The following RALGAPB variants were observed in gnomAD, a reference collection of about 807,000 sequenced individuals.
The protein encoded by RALGAPB is Ral GTPase activating protein non-catalytic subunit beta, also known as ral GTPase-activating protein subunit beta.
Under a neutral mutation model 161.1 loss-of-function variants are expected in RALGAPB, and 25 were observed. The observed-to-expected ratio is 0.16, with a 90% confidence interval of 0.11 to 0.22. The LOEUF is 0.22. Ranked by LOEUF, RALGAPB falls within the 10% of genes least tolerant of loss-of-function variation. RALGAPB has a pLI of 1.00. For missense variants in RALGAPB, 1,391 were observed against 1,815.2 expected, an observed-to-expected ratio of 0.77 and a Z score of 4.25; for synonymous variants, 629 against 626.1, an observed-to-expected ratio of 1.00 and a Z score of -0.07.
At chr20:38,497,252 C>T (rs1260812136) in intron 3 of RALGAPB, 101 bp from the exon 4 acceptor site, 4 of 1,062,336 alleles carry the variant, frequency 3.8e-6, no homozygotes, top group South Asian at 1.5e-5. Context: ...TATTAGGGAG[C>T]TTCATTGGAC....
At position 38,546,273 on chromosome 20, in the gene RALGAPB, A is replaced by C. The variant is rs1199360294; in HGVS notation, c.2745A>C (p.Ser915=). 1.9e-6 allele frequency: 3 copies of C among 1,614,010 alleles called. No homozygotes were observed. The highest frequency in any genetic ancestry group is 2.5e-6 in the Non-Finnish European group (3 of 1,179,964). Residue 915 remains serine (S), a synonymous_variant, in exon 19 of 30, where the codon TCA becomes TCC. Coordinates refer to ENST00000262879, the MANE Select transcript of RALGAPB (RefSeq NM_020336.4). ...CIMQLLGAFP[S]PSGPASPCSL... ...TGCAGTTGCTCGGCGCATTTCCTTC[A>C]CCTAGTGGTCCTGCCTCTCCTTGTA...
chr20:38,560,667 G>A (rs889955462), intron 23 of RALGAPB, among the ~76,000 whole-genome samples: 2 of 152,162 alleles, frequency 1.3e-5, no homozygotes, highest in Non-Finnish European at 2.9e-5. Context: ...TCTCCTGCCT[G>A]TACAAGAAGA....
At chr20:38,562,071 C>T (rs9941745) in intron 23 of RALGAPB, among the ~76,000 whole-genome samples, 4,162 of 152,258 alleles carry the variant, frequency 0.027, 189 homozygotes, top group African/African-American at 0.096. Flanking sequence ...TTATTAATTA[C>T]ACCTAATGTT....
intron 1 of RALGAPB, among the ~76,000 whole-genome samples, chr20:38,480,056 A>G (rs1224414103): frequency 6.6e-6 from 1 of 151,494 alleles, no homozygotes; most frequent in Middle Eastern, 3.2e-3. Context: ...ATTTTGGCTC[A>G]CTGCATCCTC....
intron 3 of RALGAPB, among the ~76,000 whole-genome samples, chr20:38,494,765 T>C (rs1330922413): frequency 6.6e-6 from 1 of 152,236 alleles, no homozygotes; most frequent in Non-Finnish European, 1.5e-5. Flanking sequence ...CTACTAGGCT[T>C]TTTCTTCGTG....
intron 23 of RALGAPB, among the ~76,000 whole-genome samples, chr20:38,560,848 C>T (rs1382987131): frequency 1.3e-5 from 2 of 152,172 alleles, no homozygotes; most frequent in Admixed American, 6.5e-5. Flanking sequence ...CAGCAAGTGG[C>T]ATGAAAGTTG....
chr20:38,500,007 A>G (rs1349051842), intron 5 of RALGAPB: 1 of 153,656 alleles, frequency 6.5e-6, no homozygotes, highest in Admixed American at 6.5e-5. Flanking sequence ...ATTTATATAT[A>G]ATTTTACAGG....
At position 38,516,236 on chromosome 20, in the gene RALGAPB, C is replaced by T. The variant is rs1332958276; in HGVS notation, c.917C>T (p.Pro306Leu). 1 of 1,612,072 alleles carries T rather than the reference C, an allele frequency of 6.2e-7. No individual in the cohort carries two copies. ...LSNPAIISST[P>L]KFQEQFLNVS... is the part of the protein sequence containing the mutation. ...AACCCAGCTATTATAAGCTCTACTC[C>T]CAAATTTCAGGAACAGTTCTTGAAT... The change falls in exon 7 of 30, where the codon CCC becomes CTC. Residue 306 changes from proline to leucine, a missense_variant. Coordinates refer to ENST00000262879, the MANE Select transcript of RALGAPB (RefSeq NM_020336.4).
In RALGAPB at chr20:38,562,741, T is replaced by C. The variant is rs762905633; in HGVS notation, c.3697+44T>C. The C allele has an allele frequency of 3.9e-6, 6 of 1,545,516 alleles. No homozygotes were observed. The Admixed American group carries it at 1.3e-4, about 33-fold the overall frequency. On this transcript the variant is annotated intron_variant, in intron 24 of 29. Transcript: ENST00000262879. ...CAAATGTCAGTTGTTTCTTGTTTGT[T>C]AGTCTTGTTTTTTTTTTTCCCCCTT...
At chr20:38,534,536 A>AT (rs1425837428) in intron 15 of RALGAPB, 3 of 152,306 alleles carry the variant, frequency 2.0e-5, no homozygotes, top group East Asian at 1.9e-4. Context: ...TGGTTATTTA[A>AT]TTTTTTTAGA....
intron 2 of RALGAPB, 51 bp from the exon 3 acceptor site, chr20:38,492,879 A>T: frequency 7.0e-7 from 1 of 1,438,412 alleles, no homozygotes; most frequent in Non-Finnish European, 9.7e-7. Context: ...AAATCAGTCT[A>T]CTGAGATAGG....
intron 1 of RALGAPB, among the ~76,000 whole-genome samples, chr20:38,475,429 A>G (rs805553): frequency 0.068 from 10,391 of 152,250 alleles, 659 homozygotes; most frequent in African/African-American, 0.17. Context: ...AGGCAGACCA[A>G]TAATTCAGAT....
chr20:38,518,846 C>G (rs1000964015), intron 9 of RALGAPB, among the ~76,000 whole-genome samples: 2 of 152,006 alleles, frequency 1.3e-5, no homozygotes, highest in African/African-American at 4.8e-5. Flanking sequence ...GGAAATAGAT[C>G]AAGACAAAAA....
At chr20:38,561,302 C>A (rs1170808041) in intron 23 of RALGAPB, among the ~76,000 whole-genome samples, 2 of 152,068 alleles carry the variant, frequency 1.3e-5, no homozygotes, top group South Asian at 4.2e-4. Context: ...CCAGCCTGGG[C>A]GACAGAGCAA....
In RALGAPB at chr20:38,536,599, T is replaced by C. The variant is rs2086814734; in HGVS notation, c.2379+1392T>C. Among the ~76,000 whole-genome samples the C allele has an allele frequency of 2.6e-5, 4 of 152,230 alleles. 1 individual carries two copies. In the South Asian group the frequency reaches 8.3e-4, roughly 31 times the overall value. ...TTTACATTCCCAGTGTATGAGAGTT[T>C]CACTTTCTTTGCATTTTCTCTAACA... On this transcript the variant is annotated intron_variant, in intron 16 of 29. Transcript: ENST00000262879.
intron 16 of RALGAPB, 135 bp downstream of exon 16, chr20:38,535,342 A>G (rs1443577675): frequency 1.8e-6 from 2 of 1,132,978 alleles, no homozygotes; most frequent in Admixed American, 2.6e-5. Flanking sequence ...TCCAAAGTGT[A>G]CAAAATTTAG....
At chr20:38,523,873 A>G (rs1437494862) in intron 10 of RALGAPB, among the ~76,000 whole-genome samples, 2 of 152,312 alleles carry the variant, frequency 1.3e-5, no homozygotes, top group East Asian at 3.9e-4. Context: ...GAGTAGTTAG[A>G]GGGCTGAATG....
intron 21 of RALGAPB, among the ~76,000 whole-genome samples, chr20:38,553,508 AG>A (rs1158190590): frequency 6.6e-6 from 1 of 152,134 alleles, no homozygotes; most frequent in Admixed American, 6.6e-5. Context: ...TTGAAGGTAT[AG>A]GGAAGTTTTT....
At position 38,541,139 on chromosome 20, in the gene RALGAPB, G is replaced by A. The variant is rs777789599; in HGVS notation, c.2661G>A (p.Glu887=). 3.7e-6 allele frequency: 6 copies of A among 1,614,138 alleles called. No individual in the cohort carries two copies. Among genetic ancestry groups the A allele is most frequent in the Non-Finnish European group, 5.1e-6 (6 of 1,180,010 alleles). Reference sequence around the variant, plus strand: ...AGGTCAAGTACAAAGGAGATAAGGAGCCAAACCCTGCATCTATGAGGGTAA... The same window carrying A: ...AGGTCAAGTACAAAGGAGATAAGGAACCAAACCCTGCATCTATGAGGGTAA... ...EQEVKYKGDK[E]PNPASMRVKD... Residue 887 remains glutamate, a synonymous_variant, in exon 18 of 30, where the codon GAG becomes GAA. Coordinates refer to ENST00000262879, the MANE Select transcript of RALGAPB (RefSeq NM_020336.4).
Sources: allele counts gnomAD v4.1 joint callset (sites outside exome capture counted in the v4.1 genomes callset), GRCh38; gene constraint gnomAD v4.1.1; transcripts MANE v1.5; gene names NCBI Gene and HGNC (gene_info 2026-07-23, HGNC 2026-07-21).